Variants in ITGA6 observed in about 807,000 individuals in gnomAD.
ITGA6 encodes the protein integrin subunit alpha 6, also known as integrin alpha-6.
Under a neutral mutation model 133.6 loss-of-function variants are expected in ITGA6, and 63 were observed. The ratio of observed to expected loss-of-function variants is 0.47; its 90% confidence interval spans 0.38 to 0.58. The LOEUF is 0.58. ITGA6 is among the 20% of genes least tolerant of loss of function. ITGA6 has a pLI of 0.00. For missense variants in ITGA6, 1,068 were observed against 1,309.4 expected (o/e 0.82, Z 2.85); for synonymous variants, 434 against 482.0 (o/e 0.90, Z 1.30).
rs746042414 is a variant in ITGA6, at chr2:172,445,521, C to T, written c.182+17551C>T. On this transcript the variant is annotated intron_variant, in intron 1 of 25. Transcript: ENST00000684293. ...AAAATTAGCCGGGCATGGTGGTGGG[C>T]GCCTGTAGTCCCAGCTACTCGGGAA... is the stretch of plus-strand genomic sequence containing the variant. Among the ~76,000 whole-genome samples the T allele has an allele frequency of 4.0e-5, 6 of 151,340 alleles. No homozygotes were observed. In the East Asian group the frequency reaches 7.9e-4, roughly 20 times the overall value.
chr2:172,473,032 GC>G (rs1686014511), intron 5 of ITGA6: 1 of 615,220 alleles, frequency 1.6e-6, no homozygotes, highest in African/African-American at 1.8e-5. Context: ...CATGGCTGGG[GC>G]TCTGTGGCCA....
At chr2:172,432,248 C>T (rs1203805227) in intron 1 of ITGA6, among the ~76,000 whole-genome samples, 1 of 152,294 alleles carries the variant, frequency 6.6e-6, no homozygotes, top group East Asian at 1.9e-4. Flanking sequence ...TAAAATTTCC[C>T]CATCCTACAC....
Position 172,469,280 on chromosome 2 carries a change from C to G in ITGA6, c.543C>G (p.Gly181=). ...GCTTTTGTGATGGGCGATTGAGAGGCCATGAGAAATTTGGCTCTTGCCAGC... is the reference window on the plus strand; with the variant it reads ...GCTTTTGTGATGGGCGATTGAGAGGGCATGAGAAATTTGGCTCTTGCCAGC... ...DWSFCDGRLR[G]HEKFGSCQQG... The change falls in exon 4 of 26, where the codon GGC becomes GGG. Residue 181 remains glycine, a synonymous_variant. Coordinates refer to ENST00000684293, the MANE Select transcript of ITGA6 (RefSeq NM_000210.4). 6.2e-7 allele frequency: 1 copy of G among 1,614,106 alleles called. No homozygotes were observed. Among genetic ancestry groups the G allele is most frequent in the Non-Finnish European group, 8.5e-7 (1 of 1,179,998 alleles).
rs1331464932 is a variant in ITGA6, at chr2:172,491,285, C to A, written c.2843C>A (p.Ala948Glu). 6 of 1,612,752 alleles carry A rather than the reference C, an allele frequency of 3.7e-6. No homozygotes were observed. Among genetic ancestry groups the A allele is most frequent in the Non-Finnish European group, 4.2e-6 (5 of 1,178,780 alleles). Residue 948 changes from alanine to glutamate, a missense_variant, in exon 22 of 26, where the codon GCG becomes GAG. By Grantham distance (107) the Ala-to-Glu change is moderately radical (BLOSUM62 -1). Transcript: ENST00000684293. The surrounding 1 kb of genome is among the most constrained non-coding windows in gnomAD (Gnocchi z 4.4). ...RCPLRGLDSKASLILRSRLWN... is the reference protein window; with the variant it reads ...RCPLRGLDSKESLILRSRLWN... ...CCGCTGCGGGGGCTGGACAGCAAGGCGTCTCTTATTTTGCGCTCGAGGTTA... is the reference window on the plus strand; with the variant it reads ...CCGCTGCGGGGGCTGGACAGCAAGGAGTCTCTTATTTTGCGCTCGAGGTTA...
intron 11 of ITGA6, among the ~76,000 whole-genome samples, chr2:172,481,956 TAGAG>T (rs1170832580): frequency 6.6e-6 from 1 of 152,162 alleles, no homozygotes; most frequent in Admixed American, 6.5e-5. Context: ...TGGAATGAAT[TAGAG>T]AGACAAGGAG....
chr2:172,473,021 C>T, intron 5 of ITGA6: 1 of 629,982 alleles, frequency 1.6e-6, no homozygotes, highest in Non-Finnish European at 2.9e-6. Context: ...AAAAAGCATG[C>T]CATGGCTGGG....
intron 4 of ITGA6, 118 bp from the exon 5 acceptor site, chr2:172,470,856 T>C (rs2149043604): frequency 1.0e-6 from 1 of 981,242 alleles, no homozygotes; most frequent in Non-Finnish European, 1.5e-6. Context: ...TTCCTTTTTT[T>C]CCTCCAAATT....
At chr2:172,429,954 A>C (rs1326811682) in intron 1 of ITGA6, among the ~76,000 whole-genome samples, 1 of 152,196 alleles carries the variant, frequency 6.6e-6, no homozygotes, top group Non-Finnish European at 1.5e-5. Flanking sequence ...TCAACCTTTG[A>C]CAGTAAAGAA....
chr2:172,428,020 G>T, intron 1 of ITGA6, 50 bp downstream of exon 1: 1 of 1,565,108 alleles, frequency 6.4e-7, no homozygotes. Context: ...GCCTGCGCGC[G>T]AGTTGAGGCG....
At chr2:172,494,236 C>A (rs10497385) in intron 23 of ITGA6, among the ~76,000 whole-genome samples, 1 of 152,056 alleles carries the variant, frequency 6.6e-6, no homozygotes, top group African/African-American at 2.4e-5. Context: ...GTTTTGTGTT[C>A]ATCTTTTAAT....
At chr2:172,480,688 G>T (rs1455600931) in intron 11 of ITGA6, among the ~76,000 whole-genome samples, 1 of 152,176 alleles carries the variant, frequency 6.6e-6, no homozygotes, top group African/African-American at 2.4e-5. Flanking sequence ...ATGCCTAGTA[G>T]TCATTAGTGC....
chr2:172,457,908 A>T (rs192616674), intron 1 of ITGA6, among the ~76,000 whole-genome samples: 124 of 152,320 alleles, frequency 8.1e-4, no homozygotes, highest in Admixed American at 1.3e-3. Flanking sequence ...CAGAAAGCAG[A>T]TGGGATCTGG....
At chr2:172,501,944 T>A (rs1687364341) in intron 25 of ITGA6, 43 bp downstream of exon 25, 1 of 1,573,652 alleles carries the variant, frequency 6.4e-7, no homozygotes. Context: ...TGGGACCCGC[T>A]ATGGTTGTGG....
At chr2:172,471,222 G>A (rs902572064) in intron 5 of ITGA6, 117 bp downstream of exon 5, 12 of 1,189,818 alleles carry the variant, frequency 1.0e-5, no homozygotes, top group South Asian at 1.3e-5. Flanking sequence ...AGGTGGGGCC[G>A]GGCCACTTTT....
At chr2:172,448,334 G>A (rs963941135) in intron 1 of ITGA6, among the ~76,000 whole-genome samples, 3 of 152,034 alleles carry the variant, frequency 2.0e-5, no homozygotes, top group Non-Finnish European at 4.4e-5. Context: ...GAGACTCTTG[G>A]AGTAGTGGTT....
intron 1 of ITGA6, among the ~76,000 whole-genome samples, chr2:172,458,312 C>T (rs1207211277): frequency 6.6e-6 from 1 of 151,124 alleles, no homozygotes; most frequent in Non-Finnish European, 1.5e-5. Flanking sequence ...ACAATCTCGG[C>T]TCCTGAAACC....
chr2:172,434,821 G>C (rs1684250603), intron 1 of ITGA6, among the ~76,000 whole-genome samples: 1 of 152,052 alleles, frequency 6.6e-6, no homozygotes, highest in South Asian at 2.1e-4. Context: ...GCCTTTGAGA[G>C]AAACATGCTT....
intron 1 of ITGA6, among the ~76,000 whole-genome samples, chr2:172,462,053 A>G (rs1685446904): frequency 6.6e-6 from 1 of 152,226 alleles, no homozygotes; most frequent in Non-Finnish European, 1.5e-5. Context: ...TTCCCAAACC[A>G]GGGAGGGCAG....
intron 3 of ITGA6, among the ~76,000 whole-genome samples, chr2:172,468,108 A>G (rs1210483694): frequency 6.6e-6 from 1 of 152,252 alleles, no homozygotes; most frequent in Non-Finnish European, 1.5e-5. Flanking sequence ...CTACAACTCT[A>G]GATGGTATTA....
Sources: allele counts gnomAD v4.1 joint callset (sites outside exome capture counted in the v4.1 genomes callset), GRCh38; gene constraint gnomAD v4.1.1; non-coding constraint Gnocchi (gnomAD v3.1); transcripts MANE v1.5; gene names NCBI Gene and HGNC (gene_info 2026-07-23, HGNC 2026-07-21).